Variants in VPS35 observed in about 807,000 individuals in gnomAD.
VPS35 encodes the protein vacuolar protein sorting-associated protein 35.
A neutral mutation model predicts 98.1 loss-of-function variants in VPS35; 21 were observed. That is an observed-to-expected ratio of 0.21 (90% CI 0.15 to 0.31). The LOEUF (loss-of-function observed/expected upper bound fraction) is 0.31, where lower values mean the gene tolerates loss of function less well. Ranked by LOEUF, VPS35 falls within the 10% of genes least tolerant of loss-of-function variation. The pLI is 1.00. For missense variants in VPS35, 554 were observed against 950.8 expected (o/e 0.58, Z 5.49); for synonymous variants, 268 against 318.2 (o/e 0.84, Z 1.68).
intron 2 of VPS35, 152 bp from the exon 3 acceptor site, chr16:46,682,327 A>G: frequency 1.5e-6 from 1 of 659,036 alleles, no homozygotes; most frequent in Non-Finnish European, 2.7e-6. Context: ...AACAACTTAG[A>G]TCGGTTCACC....
intron 5 of VPS35, among the ~76,000 whole-genome samples, chr16:46,679,586 G>A (rs1046746317): frequency 6.6e-6 from 1 of 152,088 alleles, no homozygotes. Flanking sequence ...AAAACAAAAG[G>A]CTAAAAAATG....
rs759782658 is a variant in VPS35 at position 46,660,325 on chromosome 16, G to A, written c.*147C>T. ...ATTAAGGTCCTGAAGGTGAGTGTCCGGAGGTGCTGGGTAAAACACATCACA... is the reference window on the plus strand; with the variant it reads ...ATTAAGGTCCTGAAGGTGAGTGTCCAGAGGTGCTGGGTAAAACACATCACA... On this transcript the variant is annotated 3_prime_UTR_variant, in exon 17 of 17. Transcript: ENST00000299138. 1.2e-4 allele frequency: 104 copies of A among 885,312 alleles called. 1 individual carries two copies. The highest frequency in any genetic ancestry group is 7.5e-4 in the South Asian group (49 of 65,546). 54.8% of individuals were successfully genotyped at this position (885,312 alleles called of 1,614,324 possible).
chr16:46,681,345 A>C (rs1190653854), intron 4 of VPS35, 32 bp downstream of exon 4: 3 of 1,612,938 alleles, frequency 1.9e-6, no homozygotes, highest in Non-Finnish European at 2.5e-6. Context: ...AGAAATACAG[A>C]CACAAAAGTT....
intron 1 of VPS35, among the ~76,000 whole-genome samples, chr16:46,686,323 T>C (rs1966314163): frequency 6.6e-6 from 1 of 152,154 alleles, no homozygotes; most frequent in Non-Finnish European, 1.5e-5. Context: ...TTGGCTGTTG[T>C]GTATGATAAT....
At chr16:46,662,954 A>G (rs773836193) in intron 14 of VPS35, 29 bp downstream of exon 14, 1 of 1,614,104 alleles carries the variant, frequency 6.2e-7, no homozygotes. Context: ...CAGAGCTGAC[A>G]TGACAACGCA....
At chr16:46,682,032 GA>G in intron 3 of VPS35, 46 bp downstream of exon 3, 1 of 1,486,180 alleles carries the variant, frequency 6.7e-7, no homozygotes, top group Admixed American at 1.7e-5. Flanking sequence ...GCCTTATCAA[GA>G]AAAAGGTATG....
At position 46,660,444 on chromosome 16, in the gene VPS35, G is replaced by A. The variant is rs1252276941; in HGVS notation, c.*28C>T. ...ATAAAACCCTCACTGGATGTACATG[G>A]AAAGGAGTATGGTGAGCTATTTCCT... On this transcript the variant is annotated 3_prime_UTR_variant, in exon 17 of 17. Transcript: ENST00000299138. 1 of 1,611,442 alleles carries A rather than the reference G, an allele frequency of 6.2e-7. No individual in the cohort carries two copies. Among genetic ancestry groups the A allele is most frequent in the Non-Finnish European group, 8.5e-7 (1 of 1,179,566 alleles).
intron 1 of VPS35, among the ~76,000 whole-genome samples, chr16:46,684,127 T>C (rs1966277859): frequency 6.6e-6 from 1 of 152,196 alleles, no homozygotes; most frequent in Non-Finnish European, 1.5e-5. Flanking sequence ...TACAAAGAAT[T>C]GCCTCTCTCT....
chr16:46,670,099 T>C (rs967978634), intron 12 of VPS35, among the ~76,000 whole-genome samples: 2 of 152,104 alleles, frequency 1.3e-5, no homozygotes, highest in South Asian at 4.1e-4. Flanking sequence ...TTCAGAAAAA[T>C]TACAAGAAAA....
chr16:46,662,594 T>G, intron 14 of VPS35, 112 bp from the exon 15 acceptor site: 1 of 1,507,976 alleles, frequency 6.6e-7, no homozygotes, highest in African/African-American at 1.4e-5. Context: ...GCAGCCTTCA[T>G]ATCAGAACAT....
intron 7 of VPS35, 79 bp from the exon 8 acceptor site, chr16:46,676,771 T>C (rs1596720550): frequency 2.8e-6 from 3 of 1,067,310 alleles, no homozygotes; most frequent in East Asian, 4.9e-5. Flanking sequence ...TTCACATTTG[T>C]GGGAAAAAAA....
intron 16 of VPS35, 51 bp from the exon 17 acceptor site, chr16:46,660,702 G>A: frequency 6.8e-7 from 1 of 1,480,146 alleles, no homozygotes; most frequent in East Asian, 2.5e-5. Context: ...CACAAAAAAT[G>A]AAAGGCAATT....
intron 12 of VPS35, among the ~76,000 whole-genome samples, chr16:46,669,512 C>A (rs1966037746): frequency 6.6e-6 from 1 of 151,688 alleles, no homozygotes; most frequent in Non-Finnish European, 1.5e-5. Flanking sequence ...ACTAAAAATA[C>A]AAAAATTAGC....
intron 1 of VPS35, 177 bp downstream of exon 1, chr16:46,688,954 T>G: frequency 2.0e-6 from 3 of 1,497,978 alleles, no homozygotes; most frequent in Non-Finnish European, 2.7e-6. Context: ...CCGGCCCGGA[T>G]CAGCCTGCCC....
At chr16:46,687,559 T>C (rs1966336365) in intron 1 of VPS35, among the ~76,000 whole-genome samples, 1 of 152,104 alleles carries the variant, frequency 6.6e-6, no homozygotes, top group South Asian at 2.1e-4. Context: ...CCCAAAGCAC[T>C]GAGTTGACAA....
chr16:46,678,920 A>T, intron 6 of VPS35, 23 bp downstream of exon 6: 1 of 1,609,478 alleles, frequency 6.2e-7, no homozygotes, highest in Non-Finnish European at 8.5e-7. Flanking sequence ...GAACATAAGA[A>T]GAGGTAACAA....
intron 13 of VPS35, among the ~76,000 whole-genome samples, chr16:46,664,560 T>G (rs1362339610): frequency 6.6e-6 from 1 of 152,096 alleles, no homozygotes; most frequent in East Asian, 1.9e-4. Context: ...TCCCTCTTGT[T>G]GCCCAGGCTG....
chr16:46,669,167 A>G, intron 12 of VPS35, 115 bp from the exon 13 acceptor site: 2 of 1,344,652 alleles, frequency 1.5e-6, no homozygotes, highest in Non-Finnish European at 2.1e-6. Flanking sequence ...ACAATGTACC[A>G]TACTTTATGG....
rs1966110753 is a variant in VPS35 at position 46,674,315 on chromosome 16, G to A, written c.1159C>T (p.His387Tyr). ...VEIFNKLNLE[H>Y]IATSSAVSKE... ...TTTACAAAAATGTAACTGACTTACT[G>A]TTCAAGGTTGAGCTTATTGAATATC... The change falls in exon 10 of 17, where the codon CAT becomes TAT. Residue 387 changes from histidine to tyrosine, a missense_variant and splice_region_variant. This residue lies in a region of VPS35 where 254 missense variants were observed against 390.1 expected (regional missense o/e 0.65). Coordinates refer to ENST00000299138, the MANE Select transcript of VPS35 (RefSeq NM_018206.6). 6.2e-7 allele frequency: 1 copy of A among 1,613,878 alleles called. No homozygotes were observed. Among genetic ancestry groups the A allele is most frequent in the Admixed American group, 1.7e-5 (1 of 59,968 alleles).
Sources: gnomAD v4.1 joint callset for allele counts (sites outside exome capture counted in the v4.1 genomes callset) on GRCh38, gnomAD v4.1.1 for gene constraint, gnomAD v4.1.1 regional missense constraint, MANE v1.5 for transcripts, NCBI Gene and HGNC (gene_info 2026-07-23, HGNC 2026-07-21) for gene names.